Variants in SLC26A11 observed in about 807,000 individuals in gnomAD.
SLC26A11 encodes sodium-independent sulfate anion transporter.
A neutral mutation model predicts 62.2 loss-of-function variants in SLC26A11; 58 were observed. The ratio of observed to expected loss-of-function variants is 0.93; its 90% confidence interval spans 0.76 to 1.16. The LOEUF is 1.16. SLC26A11 is among the 50% of genes most tolerant of loss of function. The pLI, the probability that SLC26A11 is intolerant of heterozygous loss-of-function variation, is 0.00. For synonymous variants in SLC26A11, 411 were observed against 368.9 expected (o/e 1.11, Z -1.31); for missense variants, 790 against 794.3 (o/e 0.99, Z 0.06).
intron 16 of SLC26A11, among the ~76,000 whole-genome samples, chr17:80,250,852 TC>T (rs1274412583): frequency 7.5e-6 from 1 of 133,760 alleles, no homozygotes; most frequent in East Asian, 2.4e-4. Context: ...AAACAAAAAG[TC>T]CTCTGGGCCA....
rs1488923705 is a variant in SLC26A11 at position 80,228,507 on chromosome 17, A to G, written c.736+547A>G. On this transcript the variant is annotated intron_variant, in intron 7 of 17. Transcript: ENST00000361193. This position sits in a 1 kb window ranked among gnomAD's most constrained non-coding sequence, Gnocchi z 4.1. ...CAGGGTCAGAGCTGAGAACTGATGC[A>G]TGGCCAGCTGTGGCCGTTCTCAACC... is the stretch of plus-strand genomic sequence containing the variant. Among the ~76,000 whole-genome samples the G allele has an allele frequency of 6.6e-6, 1 of 152,198 alleles. No individual in the cohort carries two copies. The highest frequency in any genetic ancestry group is 2.4e-5 in the African/African-American group (1 of 41,450).
chr17:80,241,622 C>T, intron 9 of SLC26A11, 149 bp from the exon 10 acceptor site: 1 of 799,598 alleles, frequency 1.3e-6, no homozygotes. Flanking sequence ...TTTACACGCA[C>T]ATATATGTGA....
intron 5 of SLC26A11, among the ~76,000 whole-genome samples, chr17:80,224,277 G>C (rs565190134): frequency 2.8e-5 from 2 of 70,870 alleles, no homozygotes; most frequent in South Asian, 1.2e-3. Context: ...GTGTGAGTGA[G>C]TGCGTGTGTG....
chr17:80,247,394 G>T (rs963172953), intron 13 of SLC26A11, among the ~76,000 whole-genome samples: 1 of 152,160 alleles, frequency 6.6e-6, no homozygotes, highest in Admixed American at 6.5e-5. Context: ...GGGCAGAGGG[G>T]CTCCTCACTT....
At position 80,246,155 on chromosome 17, in the gene SLC26A11, A is replaced by G. The variant is rs77106895; in HGVS notation, c.1099A>G (p.Thr367Ala). ...GACGGTCTCTGTGTTGCCTTCCAGG[A>G]CAGCCGTGAACGCTCAGTCGGGGGT... is the stretch of plus-strand genomic sequence containing the variant. ...SYPVTGSFGRTAVNAQSGVCT... is the reference protein window; with the variant it reads ...SYPVTGSFGRAAVNAQSGVCT... The change falls in exon 12 of 18, where the codon ACA becomes GCA. Residue 367 changes from threonine to alanine, a missense_variant and splice_region_variant. By Grantham distance (58) the Thr-to-Ala change is moderately conservative (BLOSUM62 0). Coordinates refer to ENST00000361193, the MANE Select transcript of SLC26A11 (RefSeq NM_001166347.2). This position sits in a 1 kb window ranked among gnomAD's most constrained non-coding sequence, Gnocchi z 4.4. 5.0e-6 allele frequency: 8 copies of G among 1,612,948 alleles called. No homozygotes were observed. Among genetic ancestry groups the G allele is most frequent in the African/African-American group, 2.7e-5 (2 of 74,864 alleles).
intron 7 of SLC26A11, among the ~76,000 whole-genome samples, chr17:80,236,066 G>A (rs997821714): frequency 1.3e-5 from 2 of 152,138 alleles, no homozygotes; most frequent in African/African-American, 2.4e-5. Flanking sequence ...CCAACCCCAG[G>A]CCTTGGGCTA....
At chr17:80,227,770 T>TA in intron 6 of SLC26A11, 48 bp from the exon 7 acceptor site, 2 of 1,584,964 alleles carry the variant, frequency 1.3e-6, no homozygotes, top group Non-Finnish European at 1.7e-6. Flanking sequence ...GAGTCAGCAG[T>TA]AGGCCTGGGC....
chr17:80,242,052 C>T (rs2042880058), intron 10 of SLC26A11, among the ~76,000 whole-genome samples: 1 of 152,248 alleles, frequency 6.6e-6, no homozygotes, highest in South Asian at 2.1e-4. Flanking sequence ...TCTTGGCTCA[C>T]TACAACCTCT....
intron 13 of SLC26A11, among the ~76,000 whole-genome samples, chr17:80,247,090 T>A (rs1006592426): frequency 6.6e-6 from 1 of 151,764 alleles, no homozygotes; most frequent in African/African-American, 2.4e-5. Context: ...TATTTTTTTT[T>A]ATTGATCATT....
chr17:80,252,583 C>T lies in SLC26A11; in HGVS notation c.1730-42C>T. ...CCTGTGAACTGACCCATCCTCACTT[C>T]TGAGCTTTTAGTGCTTGAAACATTT... On this transcript the variant is annotated intron_variant, in intron 17 of 17. Transcript: ENST00000361193. The surrounding 1 kb of genome is among the most constrained non-coding windows in gnomAD (Gnocchi z 5.2). 1.9e-6 allele frequency: 3 copies of T among 1,595,098 alleles called. No individual in the cohort carries two copies. The South Asian group carries it at 3.3e-5, about 18-fold the overall frequency.
chr17:80,222,584 G>A lies in SLC26A11; in HGVS notation c.235-71G>A, dbSNP rs1030082900. 1 of 1,482,872 alleles carries A rather than the reference G, an allele frequency of 6.7e-7. No homozygotes were observed. The highest frequency in any genetic ancestry group is 1.2e-5 in the South Asian group (1 of 80,940). 91.9% of individuals were successfully genotyped at this position (1,482,872 alleles called of 1,614,324 possible). A position where few individuals can be genotyped will look rare whatever the true frequency, so the allele number is the denominator to read the frequency against. ...GCTGACACCCACACATCCCGAGCTT[G>A]GACACGCACACTAGGGAGCTGGTGG... On this transcript the variant is annotated intron_variant, in intron 3 of 17. Coordinates refer to ENST00000361193, the MANE Select transcript of SLC26A11 (RefSeq NM_001166347.2). The surrounding 1 kb of genome is among the most constrained non-coding windows in gnomAD (Gnocchi z 4.7).
chr17:80,241,559 C>G (rs2042860369), intron 9 of SLC26A11, among the ~76,000 whole-genome samples: 1 of 152,168 alleles, frequency 6.6e-6, no homozygotes, highest in African/African-American at 2.4e-5. Flanking sequence ...CATACCTGGC[C>G]TGATTACATG....
At chr17:80,242,955 C>T (rs2042903749) in intron 10 of SLC26A11, among the ~76,000 whole-genome samples, 1 of 152,192 alleles carries the variant, frequency 6.6e-6, no homozygotes, top group Non-Finnish European at 1.5e-5. Context: ...GATCCGCCTG[C>T]CTTGGCCTCC....
intron 5 of SLC26A11, 124 bp from the exon 6 acceptor site, chr17:80,225,713 A>C: frequency 1.2e-6 from 1 of 821,572 alleles, no homozygotes; most frequent in Non-Finnish European, 2.0e-6. Context: ...GGCCCCGGGA[A>C]TAAGGGTTGG....
Position 80,222,786 on chromosome 17 carries a change from C to T in SLC26A11, c.366C>T (p.Tyr122=), listed in dbSNP as rs146924772. 3,667 of 1,614,218 alleles carry T rather than the reference C, an allele frequency of 2.3e-3. 5 individuals carry two copies. Among genetic ancestry groups the T allele is most frequent in the Non-Finnish European group, 2.9e-3 (3,459 of 1,180,052 alleles). ...VSFYTFHEPA[Y]AVLLAFLSGC... ...TCTACACCTTCCATGAGCCCGCCTA[C>T]GCTGTGCTGCTGGCCTTCCTGTCCG... Residue 122 remains tyrosine, a synonymous_variant, in exon 4 of 18, where the codon TAC becomes TAT. Coordinates refer to ENST00000361193, the MANE Select transcript of SLC26A11 (RefSeq NM_001166347.2). This position sits in a 1 kb window ranked among gnomAD's most constrained non-coding sequence, Gnocchi z 4.7.
At chr17:80,230,850 T>C (rs2042546878) in intron 7 of SLC26A11, among the ~76,000 whole-genome samples, 1 of 152,120 alleles carries the variant, frequency 6.6e-6, no homozygotes, top group Non-Finnish European at 1.5e-5. Flanking sequence ...TGAGAATGAG[T>C]TTATTATTTT....
In SLC26A11 at chr17:80,222,938, C is replaced by A; in HGVS notation, c.427+91C>A. 4 of 1,024,042 alleles carry A rather than the reference C, an allele frequency of 3.9e-6. No individual in the cohort carries two copies. Among genetic ancestry groups the A allele is most frequent in the East Asian group, 4.5e-5 (1 of 22,000 alleles). The allele number at this position is 1,024,042 out of a possible 1,614,324, so 63.4% of individuals were successfully genotyped here. A position where few individuals can be genotyped will look rare whatever the true frequency, so the allele number is the denominator to read the frequency against. On this transcript the variant is annotated intron_variant, in intron 4 of 17. Transcript: ENST00000361193. The surrounding 1 kb of genome is among the most constrained non-coding windows in gnomAD (Gnocchi z 4.7). ...GTCTATCCCCGTGTGCGTGTGTGTG[C>A]GTGTTGGGGTGTGGGTATGTATGTG... is the stretch of plus-strand genomic sequence containing the variant.
rs1356860252 is a variant in SLC26A11 at position 80,222,434 on chromosome 17, A to T, written c.235-221A>T. The T allele has an allele frequency of 7.0e-6, 4 of 574,148 alleles. No homozygotes were observed. The highest frequency in any genetic ancestry group is 1.2e-5 in the Non-Finnish European group (4 of 322,890). The allele number at this position is 574,148 out of a possible 1,614,324, so 35.6% of individuals were successfully genotyped here. A position where few individuals can be genotyped will look rare whatever the true frequency, so the allele number is the denominator to read the frequency against. On this transcript the variant is annotated intron_variant, in intron 3 of 17. Transcript: ENST00000361193. The surrounding 1 kb of genome is among the most constrained non-coding windows in gnomAD (Gnocchi z 4.7). ...GGACACAGCACACGGGCCTGCACCG[A>T]CCCCTCTGCCTGGCTGTCTGCACCC...
intron 2 of SLC26A11, 41 bp from the exon 3 acceptor site, chr17:80,221,507 C>A: frequency 7.1e-7 from 1 of 1,414,888 alleles, no homozygotes; most frequent in Non-Finnish European, 9.4e-7. Context: ...TCTTCAAAGG[C>A]CACGCTCTGA....
Sources: gnomAD v4.1 joint callset for allele counts (sites outside exome capture counted in the v4.1 genomes callset) on GRCh38, gnomAD v4.1.1 for gene constraint, Gnocchi (gnomAD v3.1) non-coding constraint, MANE v1.5 for transcripts, NCBI Gene and HGNC (gene_info 2026-07-23, HGNC 2026-07-21) for gene names.